RIPOR3: variants seen among roughly 807,000 people sequenced by gnomAD.
RIPOR3 encodes RIPOR family member 3, also known as family with sequence similarity 65 member C.
In RIPOR3, 95 loss-of-function variants were observed where a neutral mutation model predicts 114.3. That is an observed-to-expected ratio of 0.83 (90% CI 0.70 to 0.99). The LOEUF is 0.99. Among genes scored for constraint, RIPOR3 ranks in the 50% least tolerant of loss-of-function variants. The pLI is 0.00. For synonymous variants in RIPOR3, 575 were observed against 543.8 expected, an observed-to-expected ratio of 1.06 and a Z score of -0.80; for missense variants, 1,252 against 1,266.9, an observed-to-expected ratio of 0.99 and a Z score of 0.18.
At position 50,639,937 on chromosome 20, in the gene RIPOR3, C is replaced by T. The variant is rs1445453701; in HGVS notation, c.4-9081G>A. Among the ~76,000 whole-genome samples the T allele has an allele frequency of 3.3e-5, 5 of 152,062 alleles. No homozygotes were observed. In the East Asian group the frequency reaches 9.7e-4, roughly 29 times the overall value. On this transcript the variant is annotated intron_variant, in intron 1 of 21. Transcript: ENST00000327979. ...CCCACACCAGGAGCACAGCCTGTGA[C>T]AGCCTGGCACATCTCCAGACACTGC...
At chr20:50,646,959 C>T (rs2085420172) in intron 1 of RIPOR3, among the ~76,000 whole-genome samples, 1 of 152,124 alleles carries the variant, frequency 6.6e-6, no homozygotes. Context: ...GCTCATATTA[C>T]AGGAAATGTG....
Position 50,602,522 on chromosome 20 carries a change from C to T in RIPOR3, c.1209G>A (p.Glu403=), listed in dbSNP as rs2083539160. 1 of 1,562,490 alleles carries T rather than the reference C, an allele frequency of 6.4e-7. No individual in the cohort carries two copies. Among genetic ancestry groups the T allele is most frequent in the Non-Finnish European group, 8.7e-7 (1 of 1,152,718 alleles). ...RGPSLRSQSQ[E]LPEMDSFSSE... is the part of the protein sequence containing the mutation. The stretch of plus-strand genomic sequence containing the variant: ...AGCTGAAGGAGTCCATCTCAGGCAG[C>T]TCCTGACTCTGGCTTCTTAGGCTGG... The change falls in exon 13 of 22, where the codon GAG becomes GAA. Residue 403 remains glutamate (E), a synonymous_variant. Transcript: ENST00000327979. This position sits in a 1 kb window ranked among gnomAD's most constrained non-coding sequence, Gnocchi z 4.3.
intron 1 of RIPOR3, among the ~76,000 whole-genome samples, chr20:50,667,419 A>C (rs2086291644): frequency 6.7e-6 from 1 of 148,470 alleles, no homozygotes; most frequent in African/African-American, 2.5e-5. Flanking sequence ...TCAACCTCCC[A>C]AGTAGCTGTG....
At chr20:50,611,290 C>G in intron 4 of RIPOR3, 86 bp from the exon 5 acceptor site, 1 of 1,579,426 alleles carries the variant, frequency 6.3e-7, no homozygotes, top group East Asian at 2.2e-5. Flanking sequence ...CTGGCGGCGC[C>G]TGAGCTCAGA....
intron 4 of RIPOR3, chr20:50,614,612 G>C (rs1006840686): frequency 5.9e-6 from 1 of 170,488 alleles, no homozygotes; most frequent in Non-Finnish European, 1.5e-5. Context: ...TGAGCAATGG[G>C]ATCCTAGCAG....
chr20:50,629,587 G>A (rs1363853136), intron 2 of RIPOR3, among the ~76,000 whole-genome samples: 1 of 152,118 alleles, frequency 6.6e-6, no homozygotes, highest in African/African-American at 2.4e-5. Context: ...GCACCCCCAG[G>A]GAACTCAGCC....
chr20:50,630,901 C>T (rs772390252), intron 1 of RIPOR3, 45 bp from the exon 2 acceptor site: 14 of 1,490,674 alleles, frequency 9.4e-6, no homozygotes, highest in Admixed American at 5.8e-5. Flanking sequence ...CACCATCCAG[C>T]GAGTGCCGTC....
rs140830420 is a variant in RIPOR3, at chr20:50,630,571, ATC to A, written c.122+165_122+166del. On this transcript the variant is annotated intron_variant, in intron 2 of 21. Transcript: ENST00000327979. The stretch of plus-strand genomic sequence containing the variant: ...TCTCTCTGTCTCTCTCTCAATCTCA[ATC>A]TCTCTCTCTCTCTCTCTCTCTCTCT... Among the ~76,000 whole-genome samples the A allele has an allele frequency of 5.1e-3, 673 of 131,732 alleles. 1 individual carries two copies. The highest frequency in any genetic ancestry group is 0.013 in the Middle Eastern group (3 of 228). 86.4% of individuals were successfully genotyped at this position (131,732 alleles called of 152,430 possible).
chr20:50,619,018 C>G (rs2084291529), intron 3 of RIPOR3, among the ~76,000 whole-genome samples: 1 of 152,208 alleles, frequency 6.6e-6, no homozygotes, highest in Admixed American at 6.5e-5. Flanking sequence ...CGAGACCAGC[C>G]TGGCCAACGT....
At chr20:50,608,261 G>C (rs1378799420) in intron 11 of RIPOR3, 128 bp downstream of exon 11, 1 of 1,334,410 alleles carries the variant, frequency 7.5e-7, no homozygotes, top group East Asian at 2.4e-5. Context: ...GTGAGGGACA[G>C]ATGAGGACCC....
At chr20:50,595,867 C>G (rs2122906740) in intron 15 of RIPOR3, among the ~76,000 whole-genome samples, 1 of 152,358 alleles carries the variant, frequency 6.6e-6, no homozygotes, top group East Asian at 1.9e-4. Context: ...TTCCTGTTGG[C>G]TGAGCCAGTT....
chr20:50,610,003 C>T (rs1443744884), intron 6 of RIPOR3, among the ~76,000 whole-genome samples: 3 of 122,854 alleles, frequency 2.4e-5, no homozygotes, highest in Non-Finnish European at 3.6e-5. Context: ...CACCTGCCAC[C>T]CCTGCCTCAC....
At chr20:50,592,685 G>A (rs1314894617) in intron 18 of RIPOR3, 139 bp from the exon 19 acceptor site, 1 of 789,574 alleles carries the variant, frequency 1.3e-6, no homozygotes, top group Non-Finnish European at 1.9e-6. Context: ...GGCCCAGCCT[G>A]GACTAATTTC....
At position 50,668,856 on chromosome 20, in the gene RIPOR3, C is replaced by CAA. The variant is rs771469226; in HGVS notation, c.3+22268_3+22269dup. 5.6e-4 allele frequency among the ~76,000 whole-genome samples: 73 copies of CAA among 131,316 alleles called. No individual in the cohort carries two copies. In the Middle Eastern group the frequency reaches 0.013, roughly 23 times the overall value. 86.1% of individuals were successfully genotyped at this position (131,316 alleles called of 152,430 possible). The stretch of plus-strand genomic sequence containing the variant: ...TGGGCAACAGAGCGAGACTCCATCT[C>CAA]AAAAAAAAAAAAAAATTCAGGAAAT... On this transcript the variant is annotated intron_variant, in intron 1 of 21. Coordinates refer to ENST00000327979, the MANE Select transcript of RIPOR3 (RefSeq NM_001290268.2).
In RIPOR3 at chr20:50,587,896, T is replaced by C; in HGVS notation, c.2662-4A>G. On this transcript the variant is annotated splice_region_variant and splice_polypyrimidine_tract_variant and intron_variant, in intron 20 of 21. Coordinates refer to ENST00000327979, the MANE Select transcript of RIPOR3 (RefSeq NM_001290268.2). ...TCTGGTCGATGCTTTCAATGCCCTG[T>C]TCGAGATTAGGAGAAAAAGAACCCT... 1 of 1,614,024 alleles carries C rather than the reference T, an allele frequency of 6.2e-7. No individual in the cohort carries two copies. Among genetic ancestry groups the C allele is most frequent in the Non-Finnish European group, 8.5e-7 (1 of 1,179,996 alleles).
intron 1 of RIPOR3, among the ~76,000 whole-genome samples, chr20:50,659,154 C>A (rs1299440710): frequency 6.6e-6 from 1 of 151,956 alleles, no homozygotes; most frequent in Non-Finnish European, 1.5e-5. Flanking sequence ...AATAATGCAG[C>A]ATTTGCTTGC....
At chr20:50,668,460 T>A (rs1420783001) in intron 1 of RIPOR3, among the ~76,000 whole-genome samples, 5 of 152,104 alleles carry the variant, frequency 3.3e-5, no homozygotes, top group Non-Finnish European at 2.9e-5. Flanking sequence ...GGCCCCAACC[T>A]TTGCGCCTCC....
At chr20:50,680,739 G>A (rs1195500690) in intron 1 of RIPOR3, among the ~76,000 whole-genome samples, 1 of 152,178 alleles carries the variant, frequency 6.6e-6, no homozygotes. Flanking sequence ...TTGCTTTCCT[G>A]ATGCCCAGCA....
chr20:50,632,409 A>G (rs1221342548), intron 1 of RIPOR3, among the ~76,000 whole-genome samples: 2 of 152,212 alleles, frequency 1.3e-5, no homozygotes, highest in Non-Finnish European at 2.9e-5. Context: ...GTCTCTGTGC[A>G]ATTGGCTAAG....
Sources: gnomAD v4.1 joint callset for allele counts (sites outside exome capture counted in the v4.1 genomes callset) on GRCh38, gnomAD v4.1.1 for gene constraint, Gnocchi (gnomAD v3.1) non-coding constraint, MANE v1.5 for transcripts, NCBI Gene and HGNC (gene_info 2026-07-23, HGNC 2026-07-21) for gene names.